Variants in TRANK1 observed in about 807,000 individuals in gnomAD.
TRANK1 encodes the protein TPR and ankyrin repeat-containing protein 1.
TRANK1 carries 198 observed loss-of-function variants against 266.0 expected under a neutral mutation model. The observed-to-expected ratio is 0.74, with a 90% CI of 0.66 to 0.84. The LOEUF is 0.84. Ranked by LOEUF, TRANK1 falls within the 40% of genes least tolerant of loss-of-function variation. The probability of loss-of-function intolerance (pLI) is 0.00; values close to 1 mark genes in which losing one functional copy is unlikely to be tolerated. For synonymous variants in TRANK1, 1,396 were observed against 1,384.1 expected, an observed-to-expected ratio of 1.01 and a Z score of -0.19; for missense variants, 3,326 against 3,634.6, an observed-to-expected ratio of 0.92 and a Z score of 2.18.
chr3:36,932,256 T>C (rs976427951), intron 1 of TRANK1, among the ~76,000 whole-genome samples: 5 of 152,218 alleles, frequency 3.3e-5, no homozygotes, highest in Non-Finnish European at 4.4e-5. Flanking sequence ...GATAAAGCAG[T>C]ACAGCATCTG....
intron 1 of TRANK1, among the ~76,000 whole-genome samples, chr3:36,930,739 A>G (rs2080350279): frequency 6.6e-6 from 1 of 152,218 alleles, no homozygotes; most frequent in Admixed American, 6.5e-5. Context: ...ACATTCTATA[A>G]CAGGCAAATC....
intron 5 of TRANK1, among the ~76,000 whole-genome samples, chr3:36,895,409 T>C (rs191459995): frequency 6.6e-4 from 101 of 152,358 alleles, no homozygotes; most frequent in African/African-American, 2.3e-3. Flanking sequence ...TTACATTTCT[T>C]TGATGACAGT....
chr3:36,921,909 G>T (rs544842875), intron 1 of TRANK1, among the ~76,000 whole-genome samples: 2 of 152,042 alleles, frequency 1.3e-5, no homozygotes, highest in Admixed American at 1.3e-4. Flanking sequence ...TAGAAGGCTG[G>T]GCTGGGAGGA....
At chr3:36,847,805 G>C (rs2078935807) in intron 15 of TRANK1, among the ~76,000 whole-genome samples, 1 of 152,218 alleles carries the variant, frequency 6.6e-6, no homozygotes, top group Non-Finnish European at 1.5e-5. Context: ...GTGCAAGGTA[G>C]ACTCTGAGGT....
intron 1 of TRANK1, among the ~76,000 whole-genome samples, chr3:36,942,037 C>T (rs537396671): frequency 4.6e-5 from 7 of 152,182 alleles, no homozygotes; most frequent in Non-Finnish European, 1.0e-4. Flanking sequence ...TAAAATCCTC[C>T]TCTTCAGATC....
intron 9 of TRANK1, among the ~76,000 whole-genome samples, chr3:36,871,895 C>T (rs2079315112): frequency 6.6e-6 from 1 of 152,236 alleles, no homozygotes; most frequent in Non-Finnish European, 1.5e-5. Flanking sequence ...TCTCCCACCC[C>T]AACACATGCC....
intron 22 of TRANK1, among the ~76,000 whole-genome samples, chr3:36,830,335 C>T (rs1346864305): frequency 1.3e-5 from 2 of 148,902 alleles, no homozygotes; most frequent in Non-Finnish European, 3.0e-5. Flanking sequence ...AAAAAAAAAA[C>T]GGGAAATCTG....
chr3:36,918,507 GAAAGAAAGAAAGAAAGAAA>G lies in TRANK1; in HGVS notation c.24-10072_24-10054del, dbSNP rs1559473188. Among the ~76,000 whole-genome samples, 24 of 39,690 alleles carry G rather than the reference GAAAGAAAGAAAGAAAGAAA, an allele frequency of 6.0e-4. 1 individual carries two copies. The highest frequency in any genetic ancestry group is 2.9e-3 in the South Asian group (4 of 1,360). The allele number at this position is 39,690 out of a possible 152,430, so 26.0% of individuals were successfully genotyped here. ...AGAAAGAAAGAAAGAAAGAAAGAAAGAAAGAAAGAAAGAAAGAAAGAAAGAAGGAAGGAAGGAAGGAAGG... is the reference window on the plus strand; with the variant it reads ...AGAAAGAAAGAAAGAAAGAAAGAAAGGAAAGAAGGAAGGAAGGAAGGAAGG... On this transcript the variant is annotated intron_variant, in intron 1 of 23. Coordinates refer to ENST00000645898, the MANE Select transcript of TRANK1 (RefSeq NM_001329998.2).
At chr3:36,861,408 C>T (rs1219753961) in intron 10 of TRANK1, among the ~76,000 whole-genome samples, 2 of 152,104 alleles carry the variant, frequency 1.3e-5, no homozygotes, top group African/African-American at 4.8e-5. Context: ...ATGACTGTGT[C>T]TTAACGCAGA....
rs1575211867 is a variant in TRANK1, at chr3:36,857,343, C to G, written c.2379G>C (p.Val793=). 1 of 1,607,614 alleles carries G rather than the reference C, an allele frequency of 6.2e-7. No homozygotes were observed. The highest frequency in any genetic ancestry group is 2.2e-5 in the East Asian group (1 of 44,876). ...CSEVGEGHAQ[V]GLGALQLVPD... is the part of the protein sequence containing the mutation. ...GCACAAGCTGCAAGGCCCCAAGGCC[C>G]ACCTGAGCATGTCCTTCCCCCACCT... Residue 793 remains valine, a synonymous_variant, in exon 13 of 24, where the codon GTG becomes GTC. Transcript: ENST00000645898. This position sits in a 1 kb window ranked among gnomAD's most constrained non-coding sequence, Gnocchi z 4.3.
Position 36,829,558 on chromosome 3 carries a change from C to T in TRANK1, c.8809+6G>A, listed in dbSNP as rs1467756003. 7 of 1,613,930 alleles carry T rather than the reference C, an allele frequency of 4.3e-6. No individual in the cohort carries two copies. Among genetic ancestry groups the T allele is most frequent in the Non-Finnish European group, 5.9e-6 (7 of 1,179,850 alleles). On this transcript the variant is annotated splice_donor_region_variant and intron_variant, in intron 23 of 23. Coordinates refer to ENST00000645898, the MANE Select transcript of TRANK1 (RefSeq NM_001329998.2). Reference sequence around the variant, plus strand: ...GTTACCTGTCCCCACAATCAAGACTCCTTACCTTCCTTCTTTAAGCGGGTC... The same window carrying T: ...GTTACCTGTCCCCACAATCAAGACTTCTTACCTTCCTTCTTTAAGCGGGTC...
At chr3:36,928,004 T>C (rs1251138090) in intron 1 of TRANK1, among the ~76,000 whole-genome samples, 1 of 152,230 alleles carries the variant, frequency 6.6e-6, no homozygotes, top group Non-Finnish European at 1.5e-5. Flanking sequence ...CATTTTGATA[T>C]AGAATGTGGG....
chr3:36,906,851 GA>G (rs2079976002), intron 2 of TRANK1, among the ~76,000 whole-genome samples: 1 of 152,190 alleles, frequency 6.6e-6, no homozygotes, highest in African/African-American at 2.4e-5. Flanking sequence ...AATTGCAAGA[GA>G]AAAAATTTGT....
At chr3:36,922,078 C>T (rs1393795400) in intron 1 of TRANK1, among the ~76,000 whole-genome samples, 1 of 152,124 alleles carries the variant, frequency 6.6e-6, no homozygotes, top group Non-Finnish European at 1.5e-5. Context: ...CCCTGAAGGT[C>T]AAGGCTGTGG....
At position 36,828,261 on chromosome 3, in the gene TRANK1, C is replaced by A. The variant is rs1290172815; in HGVS notation, c.*14G>T. 3 of 1,589,994 alleles carry A rather than the reference C, an allele frequency of 1.9e-6. No individual in the cohort carries two copies. The highest frequency in any genetic ancestry group is 1.7e-4 in the Middle Eastern group (1 of 6,004). On this transcript the variant is annotated 3_prime_UTR_variant, in exon 24 of 24. Coordinates refer to ENST00000645898, the MANE Select transcript of TRANK1 (RefSeq NM_001329998.2). ...AATGTTCCGAAGGATGAGGAGGCTG[C>A]AGCTGTGTGGACATTAGTATTTTCT... is the stretch of plus-strand genomic sequence containing the variant.
chr3:36,831,120 A>G lies in TRANK1; in HGVS notation c.8463T>C (p.His2821=). 6.2e-7 allele frequency: 1 copy of G among 1,613,938 alleles called. No homozygotes were observed. Residue 2821 remains histidine, a synonymous_variant, in exon 22 of 24, where the codon CAT becomes CAC. Coordinates refer to ENST00000645898, the MANE Select transcript of TRANK1 (RefSeq NM_001329998.2). The surrounding 1 kb of genome is among the most constrained non-coding windows in gnomAD (Gnocchi z 5.0). The stretch of plus-strand genomic sequence containing the variant: ...GCCTCTGGTGGTGTTCTAGATGGAT[A>G]TGCTGCTCGTAAGACTCGCTGTTCC... ...QERNSESYEQ[H]IHLEHHQRQQ...
chr3:36,929,639 G>T (rs114898458), intron 1 of TRANK1, among the ~76,000 whole-genome samples: 2,324 of 152,230 alleles, frequency 0.015, 62 homozygotes, highest in African/African-American at 0.053. Context: ...ACCCCATGTG[G>T]CAGGCCAAGT....
chr3:36,828,443 A>AAGGAAGGAAGGAAGGAAAGG, intron 23 of TRANK1, 68 bp from the exon 24 acceptor site: 1 of 923,180 alleles, frequency 1.1e-6, no homozygotes, highest in South Asian at 1.4e-5. Flanking sequence ...GGAAAGAAGG[A>AAGGAAGGAAGGAAGGAAAGG]AGGAAGGAAG....
chr3:36,861,237 T>G, intron 10 of TRANK1, 77 bp from the exon 11 acceptor site: 1 of 1,457,536 alleles, frequency 6.9e-7, no homozygotes, highest in Non-Finnish European at 9.1e-7. Flanking sequence ...CAACCCAACA[T>G]CCATATATAA....
Sources: allele counts gnomAD v4.1 joint callset (sites outside exome capture counted in the v4.1 genomes callset), GRCh38; gene constraint gnomAD v4.1.1; non-coding constraint Gnocchi (gnomAD v3.1); transcripts MANE v1.5; gene names NCBI Gene and HGNC (gene_info 2026-07-23, HGNC 2026-07-21).